The following KSR2 variants were observed in gnomAD, a reference collection of about 807,000 sequenced individuals.
KSR2 encodes kinase suppressor of ras 2.
A neutral mutation model predicts 107.8 loss-of-function variants in KSR2; 25 were observed. The ratio of observed to expected loss-of-function variants is 0.23; its 90% CI spans 0.17 to 0.32. The LOEUF (loss-of-function observed/expected upper bound fraction) is 0.32, where lower values mean the gene tolerates loss of function less well. Ranked by LOEUF, KSR2 falls within the 10% of genes least tolerant of loss-of-function variation. The pLI is 1.00. For missense variants in KSR2, 887 were observed against 1,268.9 expected, an observed-to-expected ratio of 0.70 and a Z score of 4.57; for synonymous variants, 480 against 507.0, an observed-to-expected ratio of 0.95 and a Z score of 0.71.
intron 4 of KSR2, among the ~76,000 whole-genome samples, chr12:117,756,399 G>A (rs1304247108): frequency 2.6e-5 from 4 of 152,158 alleles, no homozygotes; most frequent in South Asian, 2.1e-4. Context: ...TACGAATTAC[G>A]CTAAATCTAC....
intron 5 of KSR2, among the ~76,000 whole-genome samples, chr12:117,583,563 G>A (rs1003088637): frequency 1.3e-5 from 2 of 152,130 alleles, no homozygotes; most frequent in Non-Finnish European, 2.9e-5. Context: ...CTTCAGATGA[G>A]ATGCCTGTCC....
At chr12:117,635,323 G>C (rs1295409313) in intron 5 of KSR2, among the ~76,000 whole-genome samples, 1 of 152,158 alleles carries the variant, frequency 6.6e-6, no homozygotes, top group Non-Finnish European at 1.5e-5. Context: ...ATTATGAAGT[G>C]ATTAAAACTA....
intron 10 of KSR2, among the ~76,000 whole-genome samples, chr12:117,539,286 G>A (rs1195164203): frequency 6.6e-6 from 1 of 152,154 alleles, no homozygotes; most frequent in African/African-American, 2.4e-5. Flanking sequence ...TCAGACATGT[G>A]CCCCTAAGAT....
intron 4 of KSR2, among the ~76,000 whole-genome samples, chr12:117,750,249 TAAAA>T (rs34642697): frequency 3.3e-5 from 4 of 122,264 alleles, no homozygotes; most frequent in African/African-American, 6.2e-5. Flanking sequence ...GACTCTGTCT[TAAAA>T]AAAAAAAAAA....
chr12:117,535,779 G>T (rs1876010204), intron 10 of KSR2, among the ~76,000 whole-genome samples: 1 of 152,106 alleles, frequency 6.6e-6, no homozygotes, highest in African/African-American at 2.4e-5. Context: ...GTCTTGCCAT[G>T]ATGGATGCTA....
chr12:117,948,106 A>C (rs1283241503), intron 1 of KSR2, among the ~76,000 whole-genome samples: 2 of 152,236 alleles, frequency 1.3e-5, no homozygotes, highest in African/African-American at 4.8e-5. Flanking sequence ...TGGAACTCAC[A>C]CTATTCAGTT....
At chr12:117,486,534 T>C (rs1872474938) in intron 14 of KSR2, among the ~76,000 whole-genome samples, 1 of 152,218 alleles carries the variant, frequency 6.6e-6, no homozygotes, top group African/African-American at 2.4e-5. Context: ...AGAACGTCAC[T>C]GTGAAAATTA....
chr12:117,887,444 G>T (rs958291219), intron 1 of KSR2, among the ~76,000 whole-genome samples: 2 of 152,136 alleles, frequency 1.3e-5, no homozygotes, highest in African/African-American at 4.8e-5. Context: ...CAGGCCAGGA[G>T]GGAGAGGTTC....
intron 3 of KSR2, among the ~76,000 whole-genome samples, chr12:117,830,591 A>G (rs1178270683): frequency 6.6e-6 from 1 of 152,206 alleles, no homozygotes; most frequent in African/African-American, 2.4e-5. Flanking sequence ...GGAGAGAGAG[A>G]AAGAATATAC....
intron 12 of KSR2, among the ~76,000 whole-genome samples, chr12:117,529,399 A>G (rs1472309117): frequency 6.6e-6 from 1 of 152,048 alleles, no homozygotes; most frequent in Non-Finnish European, 1.5e-5. Flanking sequence ...TATTTTTAAT[A>G]TAGACGGGGT....
intron 10 of KSR2, among the ~76,000 whole-genome samples, chr12:117,532,660 T>A (rs1416952000): frequency 6.6e-6 from 1 of 152,216 alleles, no homozygotes; most frequent in East Asian, 1.9e-4. Context: ...CACTGCCAGT[T>A]CCCTGACAAT....
chr12:117,622,809 A>C (rs1882262020), intron 5 of KSR2, among the ~76,000 whole-genome samples: 1 of 152,216 alleles, frequency 6.6e-6, no homozygotes, highest in East Asian at 1.9e-4. Flanking sequence ...CTCAATAGAT[A>C]TTTCTTGAAC....
In KSR2 at chr12:117,842,822, G is replaced by T. The variant is rs1009950037; in HGVS notation, c.472+12606C>A. The stretch of plus-strand genomic sequence containing the variant: ...AGAAAGAGAAAGTGGGCTGCAGGGG[G>T]ACAGGACAGGTGGATGAAGCCTTGG... On this transcript the variant is annotated intron_variant, in intron 3 of 19. Transcript: ENST00000339824. This position sits in a 1 kb window ranked among gnomAD's most constrained non-coding sequence, Gnocchi z 4.2. Among the ~76,000 whole-genome samples, 1 of 152,150 alleles carries T rather than the reference G, an allele frequency of 6.6e-6. No homozygotes were observed. Among genetic ancestry groups the T allele is most frequent in the South Asian group, 2.1e-4 (1 of 4,824 alleles).
At chr12:117,548,731 C>T (rs1877069758) in intron 9 of KSR2, among the ~76,000 whole-genome samples, 1 of 152,110 alleles carries the variant, frequency 6.6e-6, no homozygotes, top group South Asian at 2.1e-4. Context: ...AGCAGAGTAA[C>T]TAATATTGTT....
intron 1 of KSR2, among the ~76,000 whole-genome samples, chr12:117,950,899 G>A (rs756417548): frequency 1.3e-4 from 19 of 151,462 alleles, no homozygotes; most frequent in East Asian, 3.9e-4. Flanking sequence ...GCCAACCAGC[G>A]GTTCTTCTTA....
At chr12:117,835,761 A>G (rs891666426) in intron 3 of KSR2, among the ~76,000 whole-genome samples, 1 of 152,124 alleles carries the variant, frequency 6.6e-6, no homozygotes, top group Non-Finnish European at 1.5e-5. Flanking sequence ...GGCATGGGAC[A>G]GTCCCCACCA....
At chr12:117,717,752 A>G (rs1887055077) in intron 4 of KSR2, among the ~76,000 whole-genome samples, 1 of 151,080 alleles carries the variant, frequency 6.6e-6, no homozygotes, top group African/African-American at 2.4e-5. Context: ...TGTCCTAATC[A>G]GCTTACTCCA....
chr12:117,825,837 G>A (rs550449615), intron 3 of KSR2, among the ~76,000 whole-genome samples: 1 of 151,822 alleles, frequency 6.6e-6, no homozygotes, highest in Admixed American at 6.6e-5. Context: ...ATGGATGGAT[G>A]GGTAGGTGGA....
chr12:117,822,184 A>G (rs1891586254), intron 3 of KSR2, among the ~76,000 whole-genome samples: 1 of 152,246 alleles, frequency 6.6e-6, no homozygotes, highest in Admixed American at 6.5e-5. Flanking sequence ...TGTTTAGCAT[A>G]TCATCAAGAA....
Sources: gnomAD v4.1 joint callset for allele counts (sites outside exome capture counted in the v4.1 genomes callset) on GRCh38, gnomAD v4.1.1 for gene constraint, Gnocchi (gnomAD v3.1) non-coding constraint, MANE v1.5 for transcripts, NCBI Gene and HGNC (gene_info 2026-07-23, HGNC 2026-07-21) for gene names.